OR14I1: variants seen among roughly 807,000 people sequenced by gnomAD.
The protein encoded by OR14I1 is olfactory receptor 14I1.
For missense variants in OR14I1, 279 were observed against 181.8 expected, an observed-to-expected ratio of 1.53 and a Z score of -3.07; for synonymous variants, 118 against 71.1, an observed-to-expected ratio of 1.66 and a Z score of -3.32.
At chr1:248,693,064 G>A in the OR14I1 span, among the ~76,000 whole-genome samples, 111,677 of 152,074 alleles carry the variant, frequency 0.73, 44,240 homozygotes, top group Non-Finnish European at 0.88. Context: ...CTCCCTGGTT[G>A]TTCACAGAAG....
At chr1:248,690,535 G>T in the OR14I1 span, among the ~76,000 whole-genome samples, 1 of 131,672 alleles carries the variant, frequency 7.6e-6, no homozygotes, top group African/African-American at 2.9e-5. Flanking sequence ...CCAGGAAGAA[G>T]TCGAATCCCT....
At chr1:248,687,362 T>C in the OR14I1 span, among the ~76,000 whole-genome samples, 1 of 152,210 alleles carries the variant, frequency 6.6e-6, no homozygotes, top group East Asian at 1.9e-4. Flanking sequence ...CAGCAGCCTG[T>C]TTCTGTATTG....
the OR14I1 span, among the ~76,000 whole-genome samples, chr1:248,688,775 T>C: frequency 6.6e-6 from 1 of 152,244 alleles, no homozygotes; most frequent in Non-Finnish European, 1.5e-5. Flanking sequence ...TTCAGTTGAC[T>C]GCAGGGTTCC....
chr1:248,691,122 T>TA, the OR14I1 span, among the ~76,000 whole-genome samples: 1 of 152,198 alleles, frequency 6.6e-6, no homozygotes, highest in African/African-American at 2.4e-5. Flanking sequence ...CAAAAAGAAT[T>TA]AGAGCTTCTG....
downstream of OR14I1, among the ~76,000 whole-genome samples, chr1:248,678,522 C>A (rs980984358): frequency 6.6e-6 from 1 of 152,128 alleles, no homozygotes; most frequent in Non-Finnish European, 1.5e-5. Context: ...TCTAAATAAT[C>A]CACAGGACAA....
At chr1:248,682,397 T>A, upstream of OR14I1, 1 of 611,800 alleles carries the variant, frequency 1.6e-6, no homozygotes, top group East Asian at 2.7e-5. Context: ...AGGAGTAATA[T>A]CCTCCTAAAT....
the OR14I1 span, among the ~76,000 whole-genome samples, chr1:248,687,795 G>A: frequency 6.6e-6 from 1 of 152,132 alleles, no homozygotes; most frequent in East Asian, 1.9e-4. Context: ...GTTTGAACAT[G>A]GTGTTATTTA....
chr1:248,694,575 C>G, the OR14I1 span, among the ~76,000 whole-genome samples: 1 of 152,090 alleles, frequency 6.6e-6, no homozygotes, highest in African/African-American at 2.4e-5. Context: ...TCTTGAAGAG[C>G]TTTTCATTTC....
the OR14I1 span, among the ~76,000 whole-genome samples, chr1:248,691,325 G>C: frequency 1.3e-5 from 2 of 152,184 alleles, no homozygotes; most frequent in Non-Finnish European, 2.9e-5. Flanking sequence ...TCCTTTCAAA[G>C]TGTTCAGTCT....
At chr1:248,698,637 T>C in the OR14I1 span, among the ~76,000 whole-genome samples, 18 of 152,336 alleles carry the variant, frequency 1.2e-4, no homozygotes, top group African/African-American at 4.3e-4. Flanking sequence ...AATATGCCAA[T>C]ATGTGATTGA....
downstream of OR14I1, among the ~76,000 whole-genome samples, chr1:248,678,963 G>A (rs1323237801): frequency 6.6e-6 from 1 of 152,192 alleles, no homozygotes; most frequent in African/African-American, 2.4e-5. Context: ...CCAAAAGCTT[G>A]AAGTTGAAGT....
the OR14I1 span, among the ~76,000 whole-genome samples, chr1:248,699,961 G>A: frequency 6.6e-6 from 1 of 152,156 alleles, no homozygotes; most frequent in Non-Finnish European, 1.5e-5. Flanking sequence ...GTTTCACCAT[G>A]ATGTTAGCCA....
the OR14I1 span, among the ~76,000 whole-genome samples, chr1:248,694,380 A>G: frequency 0.081 from 12,342 of 152,152 alleles, 1,587 homozygotes; most frequent in African/African-American, 0.27. Context: ...CCTATGACGT[A>G]TATTATCCTA....
chr1:248,684,779 C>T (rs560421788), upstream of OR14I1, among the ~76,000 whole-genome samples: 799 of 143,568 alleles, frequency 5.6e-3, 8 homozygotes, highest in African/African-American at 0.022. Flanking sequence ...TATATATATA[C>T]ACACACACAC....
At chr1:248,685,554 T>C (rs4584427), upstream of OR14I1, among the ~76,000 whole-genome samples, 126,834 of 151,968 alleles carry the variant, frequency 0.83, 53,273 homozygotes, top group Admixed American at 0.88. Flanking sequence ...GCCAATTCCT[T>C]GTAATGTATT....
At chr1:248,681,651 T>C (rs377740707) in exon 1 of OR14I1, 1 of 780,942 alleles carries the variant, frequency 1.3e-6, no homozygotes, top group African/African-American at 1.7e-5. Flanking sequence ...TTGAGAAGAT[T>C]TGGAAATAGG....
rs758507233 is a variant in OR14I1, at chr1:248,681,982, G to A, written c.323C>T (p.Ala108Val). Residue 108 changes from alanine (A) to valine (V), a missense_variant, in exon 1 of 1, where the codon GCT becomes GTT. Physicochemically the swap from Ala to Val is moderately conservative, Grantham distance 64. Coordinates refer to ENST00000342623, the Ensembl canonical transcript of OR14I1. Reference sequence around the variant, plus strand: ...CATGACAGTAAGGAAGGCCAGCTCAGCAGATGCAAAGGCAGAGAAAAAATA... The same window carrying A: ...CATGACAGTAAGGAAGGCCAGCTCAACAGATGCAAAGGCAGAGAAAAAATA... The A allele has an allele frequency of 6.4e-6, 5 of 781,070 alleles. No individual in the cohort carries two copies. In the Admixed American group the frequency reaches 8.5e-5, roughly 13 times the overall value. 48.4% of individuals were successfully genotyped at this position (781,070 alleles called of 1,614,324 possible).
the OR14I1 span, among the ~76,000 whole-genome samples, chr1:248,690,512 T>G: frequency 7.4e-6 from 1 of 135,872 alleles, no homozygotes; most frequent in East Asian, 2.3e-4. Flanking sequence ...ACATACACCC[T>G]CCCAAGACTA....
the OR14I1 span, among the ~76,000 whole-genome samples, chr1:248,698,691 G>A: frequency 8.5e-5 from 13 of 152,198 alleles, no homozygotes; most frequent in African/African-American, 3.1e-4. Flanking sequence ...TCCCATCTTT[G>A]GAGGACACAT....
Sources: allele counts gnomAD v4.1 joint callset (sites outside exome capture counted in the v4.1 genomes callset), GRCh38; gene constraint gnomAD v4.1.1; transcripts MANE v1.5; gene names NCBI Gene and HGNC (gene_info 2026-07-23, HGNC 2026-07-21).